The following FAM227B variants were observed in gnomAD, a reference collection of about 807,000 sequenced individuals.
FAM227B encodes the protein family with sequence similarity 227 member B.
Under a neutral mutation model 73.8 loss-of-function variants are expected in FAM227B, and 88 were observed. The observed-to-expected ratio is 1.19, with a 90% confidence interval of 1.00 to 1.42. The LOEUF is 1.42. Among genes scored for constraint, FAM227B ranks in the 40% most tolerant of loss-of-function variants. The pLI is 0.00. For missense variants in FAM227B, 632 were observed against 590.9 expected (o/e 1.07, Z -0.72); for synonymous variants, 210 against 190.5 (o/e 1.10, Z -0.84).
Position 49,335,482 on chromosome 15 carries a change from G to T in FAM227B, c.1286C>A (p.Thr429Lys), listed in dbSNP as rs1001343679. 6.2e-7 allele frequency: 1 copy of T among 1,613,232 alleles called. No individual in the cohort carries two copies. The highest frequency in any genetic ancestry group is 8.5e-7 in the Non-Finnish European group (1 of 1,179,250). Reference sequence around the variant, plus strand: ...TGCCTCCTTTATAACATCACGGTATGTTGGAGCAGGTAGTGTGCTAGGCTT... The same window carrying T: ...TGCCTCCTTTATAACATCACGGTATTTTGGAGCAGGTAGTGTGCTAGGCTT... Reference protein sequence around the residue: ...KIFQEPLPAPTYRDVIKEAKR... With the variant: ...KIFQEPLPAPKYRDVIKEAKR... Residue 429 changes from threonine to lysine, a missense_variant, in exon 14 of 16, where the codon ACA becomes AAA. By Grantham distance (78) the Thr-to-Lys change is moderately conservative. Coordinates refer to ENST00000299338, the MANE Select transcript of FAM227B (RefSeq NM_152647.3).
At chr15:49,435,506 T>C (rs1440360789) in intron 11 of FAM227B, among the ~76,000 whole-genome samples, 5 of 151,626 alleles carry the variant, frequency 3.3e-5, no homozygotes, top group Non-Finnish European at 7.4e-5. Context: ...CTGATATGTC[T>C]TTGTTTTTGC....
intron 11 of FAM227B, among the ~76,000 whole-genome samples, chr15:49,436,597 T>C (rs2051127249): frequency 6.6e-6 from 1 of 151,594 alleles, no homozygotes; most frequent in African/African-American, 2.4e-5. Flanking sequence ...TTTATATACA[T>C]TATTTAATTT....
rs189366807 is a variant in FAM227B, at chr15:49,483,112, G to C, written c.1012+25099C>G. The C allele has an allele frequency of 4.0e-3, 4,508 of 1,140,942 alleles. 15 individuals carry two copies. The highest frequency in any genetic ancestry group is 5.3e-3 in the Non-Finnish European group (4,020 of 763,698). 70.7% of individuals were successfully genotyped at this position (1,140,942 alleles called of 1,614,324 possible). A position where few individuals can be genotyped will look rare whatever the true frequency, so the allele number is the denominator to read the frequency against. ...CCATTCGTGGATCATTTGCAAAACT[G>C]AACGAATATTTGACATGTCTTTCTG... is the stretch of plus-strand genomic sequence containing the variant. On this transcript the variant is annotated intron_variant, in intron 11 of 15. Coordinates refer to ENST00000299338, the MANE Select transcript of FAM227B (RefSeq NM_152647.3).
chr15:49,388,509 T>C (rs1361026417), intron 11 of FAM227B, among the ~76,000 whole-genome samples: 2 of 151,976 alleles, frequency 1.3e-5, no homozygotes, highest in East Asian at 1.9e-4. Context: ...GAGTCAAATA[T>C]AGGACCTGAA....
chr15:49,347,958 G>A (rs1323103764), intron 13 of FAM227B, among the ~76,000 whole-genome samples: 2 of 144,958 alleles, frequency 1.4e-5, no homozygotes, highest in African/African-American at 2.6e-5. Context: ...GGTGGAGGCT[G>A]CAGTGAGCTG....
intron 11 of FAM227B, among the ~76,000 whole-genome samples, chr15:49,418,343 C>T (rs911854514): frequency 2.0e-5 from 3 of 152,038 alleles, no homozygotes; most frequent in Non-Finnish European, 2.9e-5. Flanking sequence ...ATCATTCTAC[C>T]ATAAAGACAC....
intron 11 of FAM227B, among the ~76,000 whole-genome samples, chr15:49,417,369 T>A (rs767037326): frequency 6.6e-6 from 1 of 151,836 alleles, no homozygotes; most frequent in Non-Finnish European, 1.5e-5. Flanking sequence ...TCTGGGTGAC[T>A]CTCTTAAAAA....
At chr15:49,493,872 G>GTATATATA (rs35761163) in intron 11 of FAM227B, among the ~76,000 whole-genome samples, 31 of 148,036 alleles carry the variant, frequency 2.1e-4, no homozygotes, top group South Asian at 8.5e-4. Flanking sequence ...GTATGTATGT[G>GTATATATA]TATATATATA....
At chr15:49,338,820 C>T (rs548520552) in intron 13 of FAM227B, among the ~76,000 whole-genome samples, 61 of 151,966 alleles carry the variant, frequency 4.0e-4, no homozygotes, top group Non-Finnish European at 6.9e-4. Context: ...AGGCTTTGTT[C>T]GTTTCTTTTC....
At chr15:49,483,512 T>A (rs998663495) in intron 11 of FAM227B, among the ~76,000 whole-genome samples, 1 of 152,068 alleles carries the variant, frequency 6.6e-6, no homozygotes, top group Non-Finnish European at 1.5e-5. Context: ...CTTCCAGCTC[T>A]AAAATTCCAT....
At chr15:49,364,470 C>G (rs1377482847) in intron 13 of FAM227B, among the ~76,000 whole-genome samples, 1 of 151,780 alleles carries the variant, frequency 6.6e-6, no homozygotes, top group Non-Finnish European at 1.5e-5. Context: ...CTTGTCATTT[C>G]TGATTGTGTT....
At chr15:49,539,555 A>G (rs1326706537) in intron 10 of FAM227B, among the ~76,000 whole-genome samples, 1 of 152,172 alleles carries the variant, frequency 6.6e-6, no homozygotes, top group Non-Finnish European at 1.5e-5. Context: ...AGCAGCATTA[A>G]TAATGGTTTG....
chr15:49,559,479 C>T (rs141277649), intron 9 of FAM227B, among the ~76,000 whole-genome samples: 59 of 152,248 alleles, frequency 3.9e-4, no homozygotes, highest in Non-Finnish European at 5.4e-4. Context: ...CACCTGAGAG[C>T]ACCACTGACC....
chr15:49,613,676 C>T (rs953559841), intron 2 of FAM227B, among the ~76,000 whole-genome samples: 3 of 151,900 alleles, frequency 2.0e-5, no homozygotes, highest in African/African-American at 7.3e-5. Flanking sequence ...ATGATGGATA[C>T]CCCACTTACT....
At chr15:49,452,252 T>C (rs113830745) in intron 11 of FAM227B, among the ~76,000 whole-genome samples, 3,695 of 152,170 alleles carry the variant, frequency 0.024, 114 homozygotes, top group South Asian at 0.15. Context: ...GGGGTTTCAC[T>C]GTGTTGGCCA....
At chr15:49,350,815 A>G (rs957085216) in intron 13 of FAM227B, among the ~76,000 whole-genome samples, 6 of 152,176 alleles carry the variant, frequency 3.9e-5, no homozygotes, top group African/African-American at 1.4e-4. Flanking sequence ...TATGCGAGCC[A>G]AAGACAAAGT....
At chr15:49,585,593 C>CA (rs2076103110) in intron 5 of FAM227B, among the ~76,000 whole-genome samples, 4 of 150,602 alleles carry the variant, frequency 2.7e-5, no homozygotes, top group African/African-American at 9.8e-5. Context: ...ATCTCAAGGA[C>CA]AAAAAACCAA....
intron 9 of FAM227B, among the ~76,000 whole-genome samples, chr15:49,566,042 G>A (rs774724004): frequency 4.6e-5 from 7 of 152,090 alleles, no homozygotes; most frequent in South Asian, 2.1e-4. Context: ...GCTCCTGGCC[G>A]CCACAGCTAA....
At chr15:49,410,651 A>C (rs138341849) in intron 11 of FAM227B, among the ~76,000 whole-genome samples, 1 of 152,202 alleles carries the variant, frequency 6.6e-6, no homozygotes, top group East Asian at 1.9e-4. Flanking sequence ...TACCCACACA[A>C]ACCCCACCTC....
Sources: allele counts gnomAD v4.1 joint callset (sites outside exome capture counted in the v4.1 genomes callset), GRCh38; gene constraint gnomAD v4.1.1; transcripts MANE v1.5; gene names NCBI Gene and HGNC (gene_info 2026-07-23, HGNC 2026-07-21).